The following FNIP1 variants were observed in gnomAD, a reference collection of about 807,000 sequenced individuals.
FNIP1 encodes the protein folliculin-interacting protein 1.
Under a neutral mutation model 124.5 loss-of-function variants are expected in FNIP1, and 40 were observed. The ratio of observed to expected loss-of-function variants is 0.32; its 90% CI spans 0.25 to 0.42. The LOEUF is 0.42. FNIP1 is among the 10% of genes least tolerant of loss of function. The pLI, the probability that FNIP1 is intolerant of heterozygous loss-of-function variation, is 1.00. For synonymous variants in FNIP1, 472 were observed against 470.6 expected, an observed-to-expected ratio of 1.00 and a Z score of -0.04; for missense variants, 1,176 against 1,403.7, an observed-to-expected ratio of 0.84 and a Z score of 2.59.
intron 15 of FNIP1, among the ~76,000 whole-genome samples, chr5:131,653,267 G>C (rs544941232): frequency 1.3e-5 from 2 of 152,126 alleles, no homozygotes; most frequent in African/African-American, 2.4e-5. Context: ...GCTGGGCGTG[G>C]TAGTTCACGC....
At chr5:131,645,037 T>C (rs1766827156) in intron 17 of FNIP1, among the ~76,000 whole-genome samples, 1 of 152,120 alleles carries the variant, frequency 6.6e-6, no homozygotes, top group Non-Finnish European at 1.5e-5. Context: ...AGTGTAATAA[T>C]AGCTGGGTGA....
chr5:131,741,313 T>A (rs2149558286), intron 2 of FNIP1, among the ~76,000 whole-genome samples: 1 of 152,224 alleles, frequency 6.6e-6, no homozygotes, highest in Middle Eastern at 3.4e-3. Context: ...AAAAAATGAG[T>A]TCTGAGGAAG....
intron 1 of FNIP1, among the ~76,000 whole-genome samples, chr5:131,769,869 A>G (rs1240870214): frequency 6.6e-6 from 1 of 152,194 alleles, no homozygotes; most frequent in African/African-American, 2.4e-5. Context: ...GAGAAAATCA[A>G]TCTAAGTATT....
At chr5:131,775,204 A>C (rs1275270636) in intron 1 of FNIP1, among the ~76,000 whole-genome samples, 1 of 152,216 alleles carries the variant, frequency 6.6e-6, no homozygotes, top group Non-Finnish European at 1.5e-5. Flanking sequence ...ATAAGATATG[A>C]GACAGCAAAC....
intron 3 of FNIP1, among the ~76,000 whole-genome samples, chr5:131,726,304 G>C (rs1217691333): frequency 6.6e-6 from 1 of 152,122 alleles, no homozygotes; most frequent in African/African-American, 2.4e-5. Context: ...GTAGAATTTG[G>C]CTGTGAATCA....
chr5:131,657,801 G>A (rs1767251256), intron 15 of FNIP1, among the ~76,000 whole-genome samples: 1 of 147,454 alleles, frequency 6.8e-6, no homozygotes, highest in Non-Finnish European at 1.5e-5. Context: ...GCAACTTTGG[G>A]AGGCCGAGGC....
intron 13 of FNIP1, among the ~76,000 whole-genome samples, chr5:131,674,953 A>C (rs73788729): frequency 6.6e-6 from 1 of 152,160 alleles, no homozygotes; most frequent in African/African-American, 2.4e-5. Context: ...CCACTGTTCT[A>C]AACTACTCCC....
intron 2 of FNIP1, among the ~76,000 whole-genome samples, chr5:131,733,997 C>T (rs1183751224): frequency 1.3e-5 from 2 of 152,128 alleles, no homozygotes; most frequent in Admixed American, 6.5e-5. Context: ...ATTATTACCT[C>T]AATTTCAGAG....
chr5:131,778,993 T>G, intron 1 of FNIP1, among the ~76,000 whole-genome samples: 1 of 76,766 alleles, frequency 1.3e-5, no homozygotes, highest in African/African-American at 5.2e-5. Flanking sequence ...CTGGGGACTG[T>G]GGTGGGGAGG....
rs1468689376 is a variant in FNIP1, at chr5:131,693,343, T to TATAC, written c.1202+5573_1202+5574insGTAT. Among the ~76,000 whole-genome samples, 34 of 129,284 alleles carry TATAC rather than the reference T, an allele frequency of 2.6e-4. 1 individual carries two copies. The highest frequency in any genetic ancestry group is 1.9e-3 in the South Asian group (8 of 4,128). 84.8% of individuals were successfully genotyped at this position (129,284 alleles called of 152,430 possible). On this transcript the variant is annotated intron_variant, in intron 11 of 17. Coordinates refer to ENST00000510461, the MANE Select transcript of FNIP1 (RefSeq NM_133372.3). ...ACATATATATATATACATATATATA[T>TATAC]ATATATATATATATATATAGTTACA... is the stretch of plus-strand genomic sequence containing the variant.
chr5:131,680,875 G>A (rs1156926846), intron 11 of FNIP1, among the ~76,000 whole-genome samples: 1 of 152,226 alleles, frequency 6.6e-6, no homozygotes, highest in Non-Finnish European at 1.5e-5. Flanking sequence ...TGTGATTGAA[G>A]TAGCAGAGTA....
At chr5:131,661,212 T>A (rs937790392) in intron 15 of FNIP1, among the ~76,000 whole-genome samples, 41 of 116,406 alleles carry the variant, frequency 3.5e-4, no homozygotes, top group African/African-American at 1.5e-3. Context: ...GTCCGTCTTG[T>A]CTTTGTTTTG....
intron 1 of FNIP1, among the ~76,000 whole-genome samples, chr5:131,755,091 G>A (rs1224760894): frequency 6.6e-6 from 1 of 152,180 alleles, no homozygotes; most frequent in Non-Finnish European, 1.5e-5. Flanking sequence ...GGGGCTGCGA[G>A]ACAGCTGAAG....
Position 131,709,309 on chromosome 5 carries a change from A to G in FNIP1, c.707-37T>C, listed in dbSNP as rs191876467. 22 of 1,554,428 alleles carry G rather than the reference A, an allele frequency of 1.4e-5. No individual in the cohort carries two copies. The African/African-American group carries it at 2.2e-4, about 15-fold the overall frequency. On this transcript the variant is annotated intron_variant, in intron 7 of 17. Coordinates refer to ENST00000510461, the MANE Select transcript of FNIP1 (RefSeq NM_133372.3). ...GATGAAACTGTCAGTTATAAAATAT[A>G]TTGCTATTCAGGTGGATGAACAGCT...
At chr5:131,763,549 C>T (rs1771311282) in intron 1 of FNIP1, among the ~76,000 whole-genome samples, 1 of 151,998 alleles carries the variant, frequency 6.6e-6, no homozygotes, top group African/African-American at 2.4e-5. Flanking sequence ...AAGGAGGCAC[C>T]TCATGGCGGG....
At chr5:131,786,743 C>T (rs1772232211) in intron 1 of FNIP1, among the ~76,000 whole-genome samples, 1 of 152,212 alleles carries the variant, frequency 6.6e-6, no homozygotes, top group Non-Finnish European at 1.5e-5. Context: ...TCAGCACCCC[C>T]TTGCTCTCAC....
chr5:131,767,120 C>T (rs1048685055), intron 1 of FNIP1, among the ~76,000 whole-genome samples: 1 of 152,132 alleles, frequency 6.6e-6, no homozygotes, highest in Non-Finnish European at 1.5e-5. Context: ...TTGAAAGTAT[C>T]TCCTACTATC....
At chr5:131,737,121 A>T (rs896706217) in intron 2 of FNIP1, among the ~76,000 whole-genome samples, 2 of 152,208 alleles carry the variant, frequency 1.3e-5, no homozygotes, top group African/African-American at 4.8e-5. Context: ...AACAAAGTAA[A>T]ATAATAAGAA....
At chr5:131,737,298 C>A (rs1190286829) in intron 2 of FNIP1, among the ~76,000 whole-genome samples, 5 of 152,154 alleles carry the variant, frequency 3.3e-5, no homozygotes, top group Admixed American at 3.3e-4. Context: ...AGTAGAGAAA[C>A]AACAGCTGAG....
Sources: allele counts gnomAD v4.1 joint callset (sites outside exome capture counted in the v4.1 genomes callset), GRCh38; gene constraint gnomAD v4.1.1; transcripts MANE v1.5; gene names NCBI Gene and HGNC (gene_info 2026-07-23, HGNC 2026-07-21).